LRP1B: variants seen among roughly 807,000 people sequenced by gnomAD.
LRP1B encodes the protein LDL receptor related protein 1B, also known as low-density lipoprotein receptor-related protein 1B.
In LRP1B, 217 loss-of-function variants were observed where a neutral mutation model predicts 556.6. That is an observed-to-expected ratio of 0.39 (90% CI 0.35 to 0.44). LRP1B has a LOEUF of 0.44. Among genes scored for constraint, LRP1B ranks in the 20% least tolerant of loss-of-function variants. The pLI is 1.00. For synonymous variants in LRP1B, 2,047 were observed against 1,865.8 expected (o/e 1.10, Z -2.50); for missense variants, 5,053 against 5,620.8 (o/e 0.90, Z 3.23).
At chr2:140,566,056 A>G (rs1284233732) in intron 43 of LRP1B, among the ~76,000 whole-genome samples, 2 of 152,004 alleles carry the variant, frequency 1.3e-5, no homozygotes, top group East Asian at 3.9e-4. Flanking sequence ...CTGCTATGCC[A>G]TTTTGGAACT....
chr2:141,959,013 A>G (rs1037806681), intron 1 of LRP1B, among the ~76,000 whole-genome samples: 7 of 152,010 alleles, frequency 4.6e-5, no homozygotes, highest in Admixed American at 4.6e-4. Context: ...CAATGAGTAA[A>G]TTAATAAGTA....
At chr2:141,951,072 A>G (rs71417165) in intron 1 of LRP1B, among the ~76,000 whole-genome samples, 3 of 152,248 alleles carry the variant, frequency 2.0e-5, no homozygotes, top group Admixed American at 6.5e-5. Flanking sequence ...TCACCTCTGG[A>G]AATGTTTTTG....
chr2:141,085,201 A>AT (rs1558850077), intron 7 of LRP1B, among the ~76,000 whole-genome samples: 3 of 152,104 alleles, frequency 2.0e-5, no homozygotes, highest in East Asian at 1.9e-4. Flanking sequence ...ATAGACAAAC[A>AT]TTTTTTTCCT....
chr2:140,806,252 G>T (rs991947442), intron 32 of LRP1B, among the ~76,000 whole-genome samples: 3 of 151,956 alleles, frequency 2.0e-5, no homozygotes, highest in African/African-American at 4.8e-5. Context: ...ATGTTAATTT[G>T]CTATAGCAGC....
intron 7 of LRP1B, among the ~76,000 whole-genome samples, chr2:141,117,169 C>A (rs1443281507): frequency 6.6e-6 from 1 of 150,498 alleles, no homozygotes; most frequent in African/African-American, 2.4e-5. Flanking sequence ...GAAGTGATTT[C>A]TTCTATTTTA....
intron 59 of LRP1B, among the ~76,000 whole-genome samples, chr2:140,483,520 G>C (rs1342635274): frequency 6.8e-6 from 1 of 146,558 alleles, no homozygotes; most frequent in Admixed American, 7.0e-5. Context: ...AGCTAAGCCA[G>C]CCATATTGAT....
At chr2:141,421,212 C>T (rs768006867) in intron 3 of LRP1B, among the ~76,000 whole-genome samples, 31 of 152,130 alleles carry the variant, frequency 2.0e-4, no homozygotes, top group Admixed American at 8.5e-4. Flanking sequence ...TTTTTTAACA[C>T]TCAAAGAAAT....
chr2:141,461,375 G>A (rs1290006063), intron 3 of LRP1B, among the ~76,000 whole-genome samples: 1 of 152,120 alleles, frequency 6.6e-6, no homozygotes, highest in Non-Finnish European at 1.5e-5. Flanking sequence ...CGGCTTCAGT[G>A]GAATGATAGA....
chr2:141,250,416 G>A (rs187574487), intron 4 of LRP1B, among the ~76,000 whole-genome samples: 299 of 152,280 alleles, frequency 2.0e-3, no homozygotes, highest in African/African-American at 6.8e-3. Flanking sequence ...AAACAGGCTT[G>A]GAGAGCTTCC....
chr2:141,001,495 G>C (rs1697422511), intron 15 of LRP1B, among the ~76,000 whole-genome samples: 1 of 152,038 alleles, frequency 6.6e-6, no homozygotes, highest in Non-Finnish European at 1.5e-5. Flanking sequence ...ACAGGCGCCA[G>C]TGTGTGATGT....
intron 43 of LRP1B, among the ~76,000 whole-genome samples, chr2:140,550,299 T>A (rs1363165302): frequency 6.6e-6 from 1 of 152,126 alleles, no homozygotes. Context: ...TTGTCCAACT[T>A]CTTTGTCTTT....
chr2:141,644,667 G>T (rs1167682652), intron 2 of LRP1B, among the ~76,000 whole-genome samples: 1 of 151,322 alleles, frequency 6.6e-6, no homozygotes, highest in Non-Finnish European at 1.5e-5. Flanking sequence ...TCATAGAAAA[G>T]GCATTGCTTC....
chr2:140,513,946 A>C (rs1424332006), intron 51 of LRP1B, among the ~76,000 whole-genome samples: 3 of 152,018 alleles, frequency 2.0e-5, no homozygotes, highest in Non-Finnish European at 4.4e-5. Context: ...AAATAGTGAA[A>C]TTCTTGGCCG....
intron 14 of LRP1B, among the ~76,000 whole-genome samples, chr2:141,008,170 AC>A (rs1355825879): frequency 1.3e-5 from 2 of 151,400 alleles, no homozygotes. Flanking sequence ...AAATTTTTAT[AC>A]CTATATATCA....
chr2:141,828,544 C>A (rs352979), intron 1 of LRP1B, among the ~76,000 whole-genome samples: 3 of 151,852 alleles, frequency 2.0e-5, no homozygotes, highest in Non-Finnish European at 4.4e-5. Context: ...CTCAAGCGAG[C>A]TGACTCAGGG....
intron 2 of LRP1B, among the ~76,000 whole-genome samples, chr2:141,521,860 G>T (rs920649638): frequency 3.3e-5 from 5 of 151,966 alleles, no homozygotes; most frequent in Admixed American, 1.3e-4. Flanking sequence ...AGTTAAATTT[G>T]TACTAATTTT....
intron 2 of LRP1B, among the ~76,000 whole-genome samples, chr2:141,736,659 A>G (rs1457147210): frequency 6.6e-6 from 1 of 152,150 alleles, no homozygotes; most frequent in African/African-American, 2.4e-5. Context: ...GCAGATGCCA[A>G]CCTCATCACA....
intron 32 of LRP1B, among the ~76,000 whole-genome samples, chr2:140,804,134 A>G (rs902709136): frequency 1.3e-5 from 2 of 151,888 alleles, no homozygotes; most frequent in African/African-American, 2.4e-5. Context: ...AACAGAAGAG[A>G]CTCCTTAAGG....
intron 1 of LRP1B, among the ~76,000 whole-genome samples, chr2:142,128,354 A>G (rs1707729466): frequency 6.6e-6 from 1 of 152,210 alleles, no homozygotes; most frequent in Non-Finnish European, 1.5e-5. Context: ...TGCACTACAA[A>G]ACGCATCTGT....
Sources: allele counts gnomAD v4.1 joint callset (sites outside exome capture counted in the v4.1 genomes callset), GRCh38; gene constraint gnomAD v4.1.1; transcripts MANE v1.5; gene names NCBI Gene and HGNC (gene_info 2026-07-23, HGNC 2026-07-21).